The following KHDRBS2 variants were observed in gnomAD, a reference collection of about 807,000 sequenced individuals.
KHDRBS2 encodes the protein KH RNA binding domain containing, signal transduction associated 2, also known as KH domain-containing, RNA-binding, signal transduction-associated protein 2.
A neutral mutation model predicts 44.3 loss-of-function variants in KHDRBS2; 26 were observed. The ratio of observed to expected loss-of-function variants is 0.59; its 90% confidence interval spans 0.43 to 0.81. KHDRBS2 has a LOEUF of 0.81. Ranked by LOEUF, KHDRBS2 falls within the 40% of genes least tolerant of loss-of-function variation. The pLI is 0.00. For synonymous variants in KHDRBS2, 194 were observed against 151.1 expected, an observed-to-expected ratio of 1.28 and a Z score of -2.08; for missense variants, 476 against 433.1, an observed-to-expected ratio of 1.10 and a Z score of -0.88.
intron 6 of KHDRBS2, among the ~76,000 whole-genome samples, chr6:61,843,066 A>G (rs1793831689): frequency 6.6e-6 from 1 of 151,930 alleles, no homozygotes; most frequent in Non-Finnish European, 1.5e-5. Flanking sequence ...ATTCTGAGTG[A>G]AAGAAGCCAG....
In KHDRBS2 at chr6:62,194,336, A is replaced by C. The variant is rs373500689; in HGVS notation, c.92-17024T>G. On this transcript the variant is annotated intron_variant, in intron 1 of 8. Transcript: ENST00000281156. Reference sequence around the variant, plus strand: ...TGTTGAAATGACTATTTTTTTCCACATTGAATGCTCTTGAAACCCTTGTAA... The same window carrying C: ...TGTTGAAATGACTATTTTTTTCCACCTTGAATGCTCTTGAAACCCTTGTAA... Among the ~76,000 whole-genome samples, 341 of 151,974 alleles carry C rather than the reference A, an allele frequency of 2.2e-3. 1 individual carries two copies. The highest frequency in any genetic ancestry group is 8.0e-3 in the African/African-American group (330 of 41,476).
chr6:62,042,991 T>C (rs564879053), intron 3 of KHDRBS2, among the ~76,000 whole-genome samples: 1 of 152,150 alleles, frequency 6.6e-6, no homozygotes, highest in Non-Finnish European at 1.5e-5. Context: ...CAACATAATT[T>C]GTTCACAACA....
intron 1 of KHDRBS2, among the ~76,000 whole-genome samples, chr6:62,245,670 T>A (rs1422338444): frequency 6.6e-6 from 1 of 152,070 alleles, no homozygotes; most frequent in African/African-American, 2.4e-5. Context: ...TGTCATACAA[T>A]TTACAGACAC....
chr6:61,544,124 G>T, the KHDRBS2 span, among the ~76,000 whole-genome samples: 6 of 152,006 alleles, frequency 3.9e-5, no homozygotes, highest in Admixed American at 3.9e-4. Flanking sequence ...TATTCTTTGT[G>T]CTGCAAAGTA....
chr6:61,892,718 G>A (rs542014593), intron 6 of KHDRBS2, among the ~76,000 whole-genome samples: 1 of 152,220 alleles, frequency 6.6e-6, no homozygotes, highest in South Asian at 2.1e-4. Context: ...GCTGAAACTG[G>A]ATCCCTTCCT....
chr6:61,967,021 A>G (rs1425226310), intron 4 of KHDRBS2, among the ~76,000 whole-genome samples: 3 of 150,842 alleles, frequency 2.0e-5, no homozygotes, highest in African/African-American at 7.3e-5. Flanking sequence ...GAGATCTACA[A>G]AAATTATGTA....
the KHDRBS2 span, among the ~76,000 whole-genome samples, chr6:61,599,086 A>G: frequency 6.6e-6 from 1 of 151,842 alleles, no homozygotes; most frequent in Non-Finnish European, 1.5e-5. Context: ...GGTGCCTGCC[A>G]CCACGTCCAG....
chr6:61,811,007 CA>C (rs1582959009), intron 6 of KHDRBS2, among the ~76,000 whole-genome samples: 2 of 151,914 alleles, frequency 1.3e-5, no homozygotes, highest in African/African-American at 4.8e-5. Context: ...ATGTTTGTTA[CA>C]GGGGTATATT....
At chr6:61,913,325 T>C (rs1350694325) in intron 4 of KHDRBS2, among the ~76,000 whole-genome samples, 1 of 151,954 alleles carries the variant, frequency 6.6e-6, no homozygotes, top group African/African-American at 2.4e-5. Flanking sequence ...GGTGGGATTT[T>C]TATATTGTTC....
intron 4 of KHDRBS2, among the ~76,000 whole-genome samples, chr6:61,934,054 C>T (rs73489436): frequency 0.021 from 3,222 of 151,782 alleles, 65 homozygotes; most frequent in African/African-American, 0.051. Flanking sequence ...TGATGTTGAA[C>T]CTTTCTTTCA....
intron 4 of KHDRBS2, among the ~76,000 whole-genome samples, chr6:61,935,499 G>A (rs955596297): frequency 3.3e-5 from 5 of 152,126 alleles, no homozygotes; most frequent in Non-Finnish European, 7.4e-5. Context: ...GCAGAGGTCA[G>A]AACATGCATG....
chr6:61,762,736 A>T (rs1400919732), intron 6 of KHDRBS2, among the ~76,000 whole-genome samples: 1 of 152,196 alleles, frequency 6.6e-6, no homozygotes, highest in Non-Finnish European at 1.5e-5. Flanking sequence ...ACAGTCAGTA[A>T]CGGCATGGTT....
intron 4 of KHDRBS2, among the ~76,000 whole-genome samples, chr6:61,910,665 T>C (rs891981667): frequency 1.3e-5 from 2 of 152,200 alleles, no homozygotes; most frequent in African/African-American, 4.8e-5. Flanking sequence ...ACACAAGGTT[T>C]TAAGGCCTCA....
the KHDRBS2 span, among the ~76,000 whole-genome samples, chr6:61,672,122 T>G: frequency 7.3e-6 from 1 of 137,320 alleles, no homozygotes; most frequent in Non-Finnish European, 1.6e-5. Context: ...TGGGATAGTT[T>G]ACTGAGAATG....
the KHDRBS2 span, among the ~76,000 whole-genome samples, chr6:61,604,208 A>G: frequency 6.6e-6 from 1 of 152,180 alleles, no homozygotes; most frequent in South Asian, 2.1e-4. Flanking sequence ...ATCTATCATT[A>G]ATACCTCTTT....
chr6:61,917,180 C>G (rs1807181767), intron 4 of KHDRBS2, among the ~76,000 whole-genome samples: 1 of 151,666 alleles, frequency 6.6e-6, no homozygotes, highest in Admixed American at 6.6e-5. Flanking sequence ...ATTGCCAAAA[C>G]TTGGAAGCAA....
intron 2 of KHDRBS2, among the ~76,000 whole-genome samples, chr6:62,169,354 C>T (rs1299024883): frequency 1.3e-5 from 2 of 151,682 alleles, no homozygotes; most frequent in Admixed American, 1.3e-4. Context: ...TATGGAGGAA[C>T]ATATTGACAA....
At chr6:62,280,244 T>C (rs1764830433) in intron 1 of KHDRBS2, among the ~76,000 whole-genome samples, 1 of 152,180 alleles carries the variant, frequency 6.6e-6, no homozygotes, top group Non-Finnish European at 1.5e-5. Context: ...GGGTATGGAC[T>C]ACGCCTTGCA....
At chr6:61,975,066 C>G (rs1283781476) in intron 4 of KHDRBS2, among the ~76,000 whole-genome samples, 1 of 152,150 alleles carries the variant, frequency 6.6e-6, no homozygotes, top group Non-Finnish European at 1.5e-5. Context: ...CAGCAATCCA[C>G]TTAAAATGCT....
Sources: gnomAD v4.1 joint callset for allele counts (sites outside exome capture counted in the v4.1 genomes callset) on GRCh38, gnomAD v4.1.1 for gene constraint, MANE v1.5 for transcripts, NCBI Gene and HGNC (gene_info 2026-07-23, HGNC 2026-07-21) for gene names.